PTPN13: variants seen among roughly 807,000 people sequenced by gnomAD.
PTPN13 encodes tyrosine-protein phosphatase non-receptor type 13.
PTPN13 carries 191 observed loss-of-function variants against 284.0 expected under a neutral mutation model. The ratio of observed to expected loss-of-function variants is 0.67; its 90% CI spans 0.60 to 0.76. The LOEUF (loss-of-function observed/expected upper bound fraction) is 0.76. Ranked by LOEUF, PTPN13 falls within the 30% of genes least tolerant of loss-of-function variation. PTPN13 has a pLI of 0.00. For synonymous variants in PTPN13, 986 were observed against 1,022.3 expected (o/e 0.96, Z 0.68); for missense variants, 2,797 against 2,939.9 (o/e 0.95, Z 1.12).
At chr4:86,676,288 T>C (rs1298889815) in intron 3 of PTPN13, among the ~76,000 whole-genome samples, 2 of 152,210 alleles carry the variant, frequency 1.3e-5, no homozygotes, top group African/African-American at 2.4e-5. Context: ...ATTGAAAATG[T>C]TAAATGTTGG....
At chr4:86,686,851 C>T (rs1306006842) in intron 4 of PTPN13, 76 bp downstream of exon 4, 13 of 999,156 alleles carry the variant, frequency 1.3e-5, no homozygotes, top group East Asian at 5.4e-5. Context: ...CTCTTCCACA[C>T]GTTTATACGT....
At chr4:86,622,659 A>G (rs1274838230) in intron 1 of PTPN13, among the ~76,000 whole-genome samples, 3 of 152,186 alleles carry the variant, frequency 2.0e-5, no homozygotes. Context: ...AGGGCTCTCT[A>G]GAAGAGGTGG....
Position 86,727,578 on chromosome 4 carries a change from TAG to T in PTPN13, c.1609-4820_1609-4819del, listed in dbSNP as rs762514655. Among the ~76,000 whole-genome samples, 44 of 149,742 alleles carry T rather than the reference TAG, an allele frequency of 2.9e-4. 4 individuals are homozygous for T. The highest frequency in any genetic ancestry group is 6.3e-4 in the Non-Finnish European group (42 of 66,648). ...TGTCCAGGAATTCATCCATTTCTTC[TAG>T]ATTTTCTAGTTTATTTGCATAGAGG... On this transcript the variant is annotated intron_variant, in intron 10 of 47. Transcript: ENST00000411767.
At chr4:86,655,360 G>A (rs1725651859) in intron 2 of PTPN13, among the ~76,000 whole-genome samples, 1 of 151,690 alleles carries the variant, frequency 6.6e-6, no homozygotes, top group South Asian at 2.1e-4. Context: ...AATTTGGCAT[G>A]TTTTTGCAGT....
intron 40 of PTPN13, among the ~76,000 whole-genome samples, chr4:86,791,453 T>G (rs929633048): frequency 6.6e-6 from 1 of 152,136 alleles, no homozygotes; most frequent in African/African-American, 2.4e-5. Flanking sequence ...GCAGACAGCT[T>G]CTCCAGACTT....
At chr4:86,765,287 G>T in intron 25 of PTPN13, 108 bp from the exon 26 acceptor site, 1 of 727,634 alleles carries the variant, frequency 1.4e-6, no homozygotes, top group South Asian at 1.7e-5. Context: ...AGCACATGCT[G>T]ATGGGATGTC....
chr4:86,747,926 C>A (rs970334522), intron 17 of PTPN13, among the ~76,000 whole-genome samples: 2 of 152,142 alleles, frequency 1.3e-5, no homozygotes, highest in African/African-American at 2.4e-5. Flanking sequence ...CCTTACAGGT[C>A]ATTAAGTTCA....
intron 2 of PTPN13, 63 bp downstream of exon 2, chr4:86,635,434 A>G: frequency 6.5e-7 from 1 of 1,541,078 alleles, no homozygotes. Flanking sequence ...TAAAAAACAG[A>G]TACAGGGTCA....
Position 86,775,636 on chromosome 4 carries a change from G to C in PTPN13, c.5875G>C (p.Val1959Leu). 2 of 1,611,414 alleles carry C rather than the reference G, an allele frequency of 1.2e-6. No individual in the cohort carries two copies. Among genetic ancestry groups the C allele is most frequent in the Non-Finnish European group, 1.7e-6 (2 of 1,178,710 alleles). The change falls in exon 35 of 48, where the codon GTA becomes CTA. Residue 1959 changes from valine to leucine, a missense_variant. Val to Leu is a conservative substitution (Grantham distance 32, BLOSUM62 1). Transcript: ENST00000411767. Reference sequence around the variant, plus strand: ...ATTAGACATGTCACTTCCTTCATTGGTATTGAAAGCAACAAGGTACTCTGC... The same window carrying C: ...ATTAGACATGTCACTTCCTTCATTGCTATTGAAAGCAACAAGGTACTCTGC... ...RALDMSLPSL[V>L]LKATRNDLPV...
intron 20 of PTPN13, 73 bp downstream of exon 20, chr4:86,753,138 C>A: frequency 8.5e-7 from 1 of 1,174,322 alleles, no homozygotes; most frequent in Non-Finnish European, 1.2e-6. Context: ...TTGGACCTAA[C>A]AATGAAGAGT....
Position 86,684,209 on chromosome 4 carries a change from CTG to C in PTPN13, c.295-2499_295-2498del, listed in dbSNP as rs1337541858. 9.2e-5 allele frequency among the ~76,000 whole-genome samples: 14 copies of C among 151,892 alleles called. 1 individual carries two copies. The highest frequency in any genetic ancestry group is 8.5e-4 in the Admixed American group (13 of 15,244). On this transcript the variant is annotated intron_variant, in intron 3 of 47. Transcript: ENST00000411767. ...ATCAAAGTGTGGTGCAGAAATATAA[CTG>C]TATCATATATGAGATAATGCTTTAA...
At chr4:86,780,803 A>C (rs1173213563) in intron 36 of PTPN13, among the ~76,000 whole-genome samples, 1 of 152,216 alleles carries the variant, frequency 6.6e-6, no homozygotes, top group African/African-American at 2.4e-5. Flanking sequence ...CTATTGATAC[A>C]AGCAAAAAAA....
chr4:86,596,305 A>G (rs989826027), intron 1 of PTPN13, among the ~76,000 whole-genome samples: 4 of 152,178 alleles, frequency 2.6e-5, no homozygotes, highest in Admixed American at 2.0e-4. Context: ...TTGAATTTGC[A>G]TTTGTCCCAC....
intron 1 of PTPN13, chr4:86,595,573 A>G (rs77304420): frequency 0.031 from 4,930 of 158,674 alleles, 253 homozygotes; most frequent in African/African-American, 0.1. Context: ...CCATACACGT[A>G]TATGATCGAC....
At chr4:86,675,607 CTG>C (rs1728187585) in intron 3 of PTPN13, among the ~76,000 whole-genome samples, 1 of 152,130 alleles carries the variant, frequency 6.6e-6, no homozygotes, top group Non-Finnish European at 1.5e-5. Flanking sequence ...CTTTCATAAA[CTG>C]TACATGTTTG....
chr4:86,620,750 A>G (rs1721133707), intron 1 of PTPN13, among the ~76,000 whole-genome samples: 1 of 152,256 alleles, frequency 6.6e-6, no homozygotes, highest in Non-Finnish European at 1.5e-5. Flanking sequence ...TAATATTTCT[A>G]CCAAGTGCTC....
At chr4:86,609,934 T>C (rs1234011928) in intron 1 of PTPN13, among the ~76,000 whole-genome samples, 2 of 152,172 alleles carry the variant, frequency 1.3e-5, no homozygotes, top group Non-Finnish European at 2.9e-5. Context: ...TTTAAAAACA[T>C]GTTTGTTTTT....
intron 1 of PTPN13, among the ~76,000 whole-genome samples, chr4:86,612,034 T>C (rs1719953002): frequency 6.6e-6 from 1 of 152,190 alleles, no homozygotes; most frequent in Admixed American, 6.5e-5. Flanking sequence ...AGAAGAATCT[T>C]ACGCAGTAGT....
At chr4:86,713,048 A>G (rs563496266) in intron 7 of PTPN13, among the ~76,000 whole-genome samples, 57 of 152,222 alleles carry the variant, frequency 3.7e-4, no homozygotes, top group Admixed American at 6.5e-4. Context: ...AAATTCATTT[A>G]TTACTTAATA....
Sources: allele counts gnomAD v4.1 joint callset (sites outside exome capture counted in the v4.1 genomes callset), GRCh38; gene constraint gnomAD v4.1.1; transcripts MANE v1.5; gene names NCBI Gene and HGNC (gene_info 2026-07-23, HGNC 2026-07-21).